A1CF: variants seen among roughly 807,000 people sequenced by gnomAD.
The protein encoded by A1CF is APOBEC-1 stimulating protein.
A1CF carries 48 observed loss-of-function variants against 68.9 expected under a neutral mutation model. The observed-to-expected ratio is 0.70, with a 90% confidence interval of 0.55 to 0.89. The LOEUF is 0.89. Among genes scored for constraint, A1CF ranks in the 40% least tolerant of loss-of-function variants. The pLI, the probability that A1CF is intolerant of heterozygous loss-of-function variation, is 0.00. For synonymous variants in A1CF, 272 were observed against 260.4 expected, an observed-to-expected ratio of 1.04 and a Z score of -0.43; for missense variants, 653 against 718.9, an observed-to-expected ratio of 0.91 and a Z score of 1.05.
intron 6 of A1CF, among the ~76,000 whole-genome samples, chr10:50,829,038 A>G (rs1354249524): frequency 6.6e-6 from 1 of 152,186 alleles, no homozygotes; most frequent in African/African-American, 2.4e-5. Flanking sequence ...TTGTATTACT[A>G]TGAACACATT....
At chr10:50,829,162 C>CT (rs1839115634) in intron 6 of A1CF, among the ~76,000 whole-genome samples, 1 of 152,066 alleles carries the variant, frequency 6.6e-6, no homozygotes, top group Non-Finnish European at 1.5e-5. Flanking sequence ...GGGAAATGAG[C>CT]TTTAGAGAGG....
chr10:50,880,925 T>G (rs542344999), intron 1 of A1CF, among the ~76,000 whole-genome samples: 1 of 152,290 alleles, frequency 6.6e-6, no homozygotes, highest in Non-Finnish European at 1.5e-5. Context: ...AGGTCCCATA[T>G]GGGGGTGGTT....
rs1838855041 is a variant in A1CF at position 50,825,102 on chromosome 10, A to C, written c.769+3029T>G. On this transcript the variant is annotated intron_variant, in intron 7 of 12. Transcript: ENST00000373997. Reference sequence around the variant, plus strand: ...AATGGAGCAGTGACATCCTTCCTGAATGTCCTTCAGAGCAAATCATCAGCT... The same window carrying C: ...AATGGAGCAGTGACATCCTTCCTGACTGTCCTTCAGAGCAAATCATCAGCT... 2.0e-5 allele frequency among the ~76,000 whole-genome samples: 3 copies of C among 152,180 alleles called. No homozygotes were observed. The South Asian group carries it at 6.2e-4, about 32-fold the overall frequency.
intron 1 of A1CF, among the ~76,000 whole-genome samples, chr10:50,876,562 A>G (rs756095257): frequency 1.3e-5 from 2 of 152,246 alleles, no homozygotes; most frequent in African/African-American, 4.8e-5. Flanking sequence ...CTGGGCCTGC[A>G]TGACAGAGCA....
In A1CF at chr10:50,859,967, G is replaced by C. The variant is rs1840670018; in HGVS notation, c.-27C>G. The C allele has an allele frequency of 1.3e-6, 2 of 1,592,614 alleles. No individual in the cohort carries two copies. The highest frequency in any genetic ancestry group is 1.7e-5 in the Admixed American group (1 of 59,590). On this transcript the variant is annotated 5_prime_UTR_variant, in exon 3 of 13. Coordinates refer to ENST00000373997, the MANE Select transcript of A1CF (RefSeq NM_014576.4). ...GAGAGTGATTATCAGCAAAAAATCA[G>C]GTTAATTAGGGTTGCTCACTGAAAC...
At chr10:50,817,167 T>C (rs1318277771) in intron 8 of A1CF, among the ~76,000 whole-genome samples, 3 of 152,342 alleles carry the variant, frequency 2.0e-5, no homozygotes, top group Admixed American at 2.0e-4. Flanking sequence ...ATGATGGCTC[T>C]CAAGAAATTC....
intron 5 of A1CF, among the ~76,000 whole-genome samples, chr10:50,841,179 A>G (rs1237354941): frequency 6.6e-6 from 1 of 152,142 alleles, no homozygotes; most frequent in African/African-American, 2.4e-5. Flanking sequence ...GAAAATTCAA[A>G]TTCATCACCA....
At chr10:50,810,904 A>T in intron 11 of A1CF, 136 bp downstream of exon 11, 1 of 1,049,882 alleles carries the variant, frequency 9.5e-7, no homozygotes, top group South Asian at 2.5e-5. Flanking sequence ...TCCCAACTAC[A>T]CATCTCAATA....
At chr10:50,884,157 A>T (rs1564541815) in intron 1 of A1CF, among the ~76,000 whole-genome samples, 1 of 152,208 alleles carries the variant, frequency 6.6e-6, no homozygotes, top group Non-Finnish European at 1.5e-5. Context: ...CACTGAATAT[A>T]GTGTAGGAAA....
Position 50,820,789 on chromosome 10 carries a change from T to C in A1CF, c.770-140A>G, listed in dbSNP as rs575035017. The C allele has an allele frequency of 5.5e-6, 3 of 549,426 alleles. No individual in the cohort carries two copies. In the South Asian group the frequency reaches 1.1e-4, roughly 20 times the overall value. The allele number at this position is 549,426 out of a possible 1,614,324, so 34.0% of individuals were successfully genotyped here. On this transcript the variant is annotated intron_variant, in intron 7 of 12. Transcript: ENST00000373997. ...TTAAGTAAGGATCTCATCAAGAACA[T>C]TCAACAGAAGATTTTTTTTGCAGTT...
chr10:50,843,877 T>C, intron 4 of A1CF, 111 bp downstream of exon 4: 1 of 1,304,036 alleles, frequency 7.7e-7, no homozygotes, highest in Non-Finnish European at 1.1e-6. Context: ...GGAATGGTAA[T>C]TGGAATGGAA....
intron 2 of A1CF, among the ~76,000 whole-genome samples, chr10:50,862,405 A>G (rs912928859): frequency 2.6e-5 from 4 of 152,054 alleles, no homozygotes; most frequent in Admixed American, 2.6e-4. Context: ...AATTTAGAAC[A>G]TCAAAGGAAA....
intron 3 of A1CF, among the ~76,000 whole-genome samples, chr10:50,858,967 T>A (rs531972242): frequency 1.3e-5 from 2 of 151,886 alleles, no homozygotes; most frequent in Admixed American, 6.5e-5. Flanking sequence ...AATTAAAAAA[T>A]AAATGTATAT....
intron 1 of A1CF, among the ~76,000 whole-genome samples, chr10:50,882,678 G>C (rs1413647460): frequency 6.6e-6 from 1 of 152,150 alleles, no homozygotes; most frequent in Non-Finnish European, 1.5e-5. Context: ...TGTGAGAGCT[G>C]CACTTTGCAG....
At position 50,842,144 on chromosome 10, in the gene A1CF, G is replaced by A. The variant is rs1459011544; in HGVS notation, c.235-152C>T. On this transcript the variant is annotated intron_variant, in intron 4 of 12. Transcript: ENST00000373997. Reference sequence around the variant, plus strand: ...ACTATTTGGCATTTGCATCCCATGTGGAATGGTTTGCATATTTTCATGTGG... The same window carrying A: ...ACTATTTGGCATTTGCATCCCATGTAGAATGGTTTGCATATTTTCATGTGG... 3 of 638,454 alleles carry A rather than the reference G, an allele frequency of 4.7e-6. No homozygotes were observed. In the African/African-American group the frequency reaches 5.5e-5, roughly 12 times the overall value. The allele number at this position is 638,454 out of a possible 1,614,324, so 39.5% of individuals were successfully genotyped here. A position where few individuals can be genotyped will look rare whatever the true frequency, so the allele number is the denominator to read the frequency against.
Position 50,813,859 on chromosome 10 carries a change from G to C in A1CF, c.1321C>G (p.Gln441Glu), listed in dbSNP as rs1838236419. 1 of 1,613,184 alleles carries C rather than the reference G, an allele frequency of 6.2e-7. No individual in the cohort carries two copies. Among genetic ancestry groups the C allele is most frequent in the Non-Finnish European group, 8.5e-7 (1 of 1,179,278 alleles). Reference protein sequence around the residue: ...LKPQGIKLAPQILEEICQKNN... With the variant: ...LKPQGIKLAPEILEEICQKNN... Reference sequence around the variant, plus strand: ...ATTTCTGGAATAACATTACCTACCTGGGGAGCGAGTTTAATTCCTTGGGGT... The same window carrying C: ...ATTTCTGGAATAACATTACCTACCTCGGGAGCGAGTTTAATTCCTTGGGGT... Residue 441 changes from glutamine to glutamate, a missense_variant and splice_region_variant, in exon 10 of 13, where the codon CAG becomes GAG. Coordinates refer to ENST00000373997, the MANE Select transcript of A1CF (RefSeq NM_014576.4).
intron 2 of A1CF, among the ~76,000 whole-genome samples, chr10:50,862,588 T>C (rs1463662984): frequency 6.6e-6 from 1 of 152,220 alleles, no homozygotes; most frequent in African/African-American, 2.4e-5. Context: ...TAATGCTCTC[T>C]GTTTGCTATT....
chr10:50,851,656 A>T (rs1050217799), intron 3 of A1CF, among the ~76,000 whole-genome samples: 2 of 152,196 alleles, frequency 1.3e-5, no homozygotes, highest in Non-Finnish European at 2.9e-5. Flanking sequence ...GGACTTAAAA[A>T]GGTTAGCAGG....
chr10:50,806,931 C>A, intron 12 of A1CF, 51 bp from the exon 13 acceptor site: 1 of 1,561,838 alleles, frequency 6.4e-7, no homozygotes, highest in South Asian at 1.2e-5. Context: ...CATTTGCTCC[C>A]TTTTGGCTTA....
Sources: gnomAD v4.1 joint callset for allele counts (sites outside exome capture counted in the v4.1 genomes callset) on GRCh38, gnomAD v4.1.1 for gene constraint, MANE v1.5 for transcripts, NCBI Gene and HGNC (gene_info 2026-07-23, HGNC 2026-07-21) for gene names.